The following JHY variants were observed in gnomAD, a reference collection of about 807,000 sequenced individuals.
JHY encodes jhy protein homolog.
Under a neutral mutation model 78.0 loss-of-function variants are expected in JHY, and 69 were observed. The observed-to-expected ratio is 0.88, with a 90% confidence interval of 0.73 to 1.08. The LOEUF is 1.08. Among genes scored for constraint, JHY ranks in the 50% least tolerant of loss-of-function variants. The pLI is 0.00. For missense variants in JHY, 944 were observed against 927.8 expected, an observed-to-expected ratio of 1.02 and a Z score of -0.23; for synonymous variants, 368 against 342.6, an observed-to-expected ratio of 1.07 and a Z score of -0.82.
chr11:122,957,123 CCT>C (rs1327656256), intron 7 of JHY, among the ~76,000 whole-genome samples: 1 of 152,084 alleles, frequency 6.6e-6, no homozygotes, highest in Non-Finnish European at 1.5e-5. Context: ...TGATTTAGCC[CCT>C]GTTAAGGGAA....
chr11:122,929,255 T>TA (rs991646045), intron 4 of JHY, among the ~76,000 whole-genome samples: 1 of 151,058 alleles, frequency 6.6e-6, no homozygotes. Flanking sequence ...TTTTTTTTTT[T>TA]AAAGCAGTAC....
At position 122,885,827 on chromosome 11, in the gene JHY, G is replaced by A; in HGVS notation, c.-23G>A. On this transcript the variant is annotated 5_prime_UTR_variant, in exon 2 of 9. Transcript: ENST00000227349. ...GCTCCTATCAACACGAGTATCCCCT[G>A]TTAATTTTTTGCATTTTTCAAGATG... The A allele has an allele frequency of 6.4e-7, 1 of 1,562,248 alleles. No individual in the cohort carries two copies. Among genetic ancestry groups the A allele is most frequent in the Non-Finnish European group, 8.8e-7 (1 of 1,140,746 alleles).
At chr11:122,900,165 T>C (rs188471033) in intron 2 of JHY, among the ~76,000 whole-genome samples, 39 of 152,348 alleles carry the variant, frequency 2.6e-4, no homozygotes, top group Admixed American at 2.2e-3. Flanking sequence ...GTGCGACTTA[T>C]TTCAAGAAGT....
chr11:122,931,477 A>G (rs2135350783), intron 4 of JHY, among the ~76,000 whole-genome samples: 1 of 152,334 alleles, frequency 6.6e-6, no homozygotes, highest in Non-Finnish European at 1.5e-5. Flanking sequence ...CTGAACACAG[A>G]GTTCTTCCTT....
At position 122,946,680 on chromosome 11, in the gene JHY, T is replaced by A. The variant is rs778178370; in HGVS notation, c.1817T>A (p.Leu606His). The change falls in exon 6 of 9, where the codon CTC becomes CAC. Residue 606 changes from leucine (L) to histidine (H), a missense_variant. By Grantham distance (99) the Leu-to-His change is moderately conservative (BLOSUM62 -3). Coordinates refer to ENST00000227349, the MANE Select transcript of JHY (RefSeq NM_024806.4). ...TCAAGGGTAGAAAGTGAATCCCAAC[T>A]CAGTTCAGAGAGAAGCCAAAGAAAC... ...ILSRVESESQLSSERSQRNQV... is the reference protein window; with the variant it reads ...ILSRVESESQHSSERSQRNQV... 7 of 1,614,000 alleles carry A rather than the reference T, an allele frequency of 4.3e-6. No individual in the cohort carries two copies. Among genetic ancestry groups the A allele is most frequent in the Non-Finnish European group, 5.9e-6 (7 of 1,179,998 alleles).
At chr11:122,911,021 A>G (rs1199744046) in intron 3 of JHY, among the ~76,000 whole-genome samples, 1 of 152,186 alleles carries the variant, frequency 6.6e-6, no homozygotes, top group African/African-American at 2.4e-5. Flanking sequence ...GCTGGTGAAT[A>G]ATCAGTTCTT....
At chr11:122,900,011 G>A (rs1449906422) in intron 2 of JHY, among the ~76,000 whole-genome samples, 1 of 152,222 alleles carries the variant, frequency 6.6e-6, no homozygotes, top group Non-Finnish European at 1.5e-5. Context: ...TGCATCACTT[G>A]GGAGAAACCT....
Position 122,960,481 on chromosome 11 carries a change from A to G in JHY, c.*1036A>G, listed in dbSNP as rs867897971. The G allele has an allele frequency of 1.7e-5, 4 of 233,114 alleles. No individual in the cohort carries two copies. The Middle Eastern group carries it at 3.9e-3, about 227-fold the overall frequency. The allele number at this position is 233,114 out of a possible 1,614,324, so 14.4% of individuals were successfully genotyped here. ...CTACCACCTCTTCCTTCCTTTTCCT[A>G]TAGAGGAAAAGTTCGTTTTGGGCTG... is the stretch of plus-strand genomic sequence containing the variant. On this transcript the variant is annotated 3_prime_UTR_variant, in exon 9 of 9. Transcript: ENST00000227349.
intron 8 of JHY, chr11:122,958,548 G>GT (rs895916875): frequency 4.5e-4 from 82 of 180,648 alleles, no homozygotes; most frequent in Non-Finnish European, 7.9e-4. Context: ...ATTTTAGAGG[G>GT]TTTTTTTTTC....
Position 122,904,245 on chromosome 11 carries a change from CG to C in JHY, c.666del (p.Ser223AlafsTer7). The C allele has an allele frequency of 6.2e-7, 1 of 1,614,098 alleles. No individual in the cohort carries two copies. The highest frequency in any genetic ancestry group is 8.5e-7 in the Non-Finnish European group (1 of 1,180,014). On this transcript the variant is annotated frameshift_variant, in exon 3 of 9. Coordinates refer to ENST00000227349, the MANE Select transcript of JHY (RefSeq NM_024806.4). LOFTEE classifies it high-confidence loss of function. ...AGCGACAGTGACCTGGAGGAGAAGT[CG>C]AGCAGCCTTTCTCCGTACGTGAAGA... ...ELSDSDLEEK[S>X]SSLSPYVKSS...
intron 2 of JHY, 60 bp from the exon 3 acceptor site, chr11:122,903,865 A>G: frequency 6.6e-7 from 1 of 1,505,420 alleles, no homozygotes; most frequent in East Asian, 2.3e-5. Context: ...TGTTCAACTG[A>G]CTATAATGAG....
rs907893967 is a variant in JHY at position 122,886,143 on chromosome 11, G to T, written c.294G>T (p.Gln98His). The T allele has an allele frequency of 6.2e-7, 1 of 1,614,110 alleles. No individual in the cohort carries two copies. The highest frequency in any genetic ancestry group is 8.5e-7 in the Non-Finnish European group (1 of 1,179,978). ...AGGAAGCAAGTGGAAAAGCAGCTCA[G>T]ATGGCTCGCGAGCAAAACCACCATA... Reference protein sequence around the residue: ...MEEEASGKAAQMAREQNHHTW... With the variant: ...MEEEASGKAAHMAREQNHHTW... Residue 98 changes from glutamine (Q) to histidine (H), a missense_variant, in exon 2 of 9, where the codon CAG becomes CAT. Gln to His is a conservative substitution (Grantham distance 24, BLOSUM62 0). Coordinates refer to ENST00000227349, the MANE Select transcript of JHY (RefSeq NM_024806.4).
chr11:122,943,242 A>C (rs918263063), intron 5 of JHY, among the ~76,000 whole-genome samples: 1 of 152,236 alleles, frequency 6.6e-6, no homozygotes, highest in Non-Finnish European at 1.5e-5. Flanking sequence ...AAGTATGTTT[A>C]TAAATTTCAA....
chr11:122,904,160 GA>G lies in JHY; in HGVS notation c.582del (p.Glu194AspfsTer3). On this transcript the variant is annotated frameshift_variant, in exon 3 of 9. Coordinates refer to ENST00000227349, the MANE Select transcript of JHY (RefSeq NM_024806.4). LOFTEE classifies it high-confidence loss of function. ...GAGTGCAGCTTCTTTACTTGGTAGTGAATTTTTAAGCCCAAACTATGAGCAT... is the reference window on the plus strand; with the variant it reads ...GAGTGCAGCTTCTTTACTTGGTAGTGATTTTTAAGCCCAAACTATGAGCAT... Reference protein sequence around the residue: ...PQSAASLLGSEFLSPNYEHGA... With the variant: ...PQSAASLLGSXFLSPNYEHGA... The G allele has an allele frequency of 1.2e-6, 2 of 1,614,148 alleles. No homozygotes were observed. Among genetic ancestry groups the G allele is most frequent in the Non-Finnish European group, 1.7e-6 (2 of 1,180,036 alleles).
intron 4 of JHY, among the ~76,000 whole-genome samples, chr11:122,931,322 G>A (rs1041826126): frequency 6.6e-6 from 1 of 152,150 alleles, no homozygotes; most frequent in Non-Finnish European, 1.5e-5. Context: ...CAAAGAAAAG[G>A]TAATGATAGT....
intron 2 of JHY, among the ~76,000 whole-genome samples, chr11:122,889,894 C>A (rs773077854): frequency 6.6e-6 from 1 of 151,966 alleles, no homozygotes; most frequent in Non-Finnish European, 1.5e-5. Context: ...GAGTAGCGTG[C>A]GCCACAATGC....
chr11:122,939,328 G>T (rs996736897), intron 5 of JHY, among the ~76,000 whole-genome samples: 5 of 152,008 alleles, frequency 3.3e-5, no homozygotes, highest in Non-Finnish European at 5.9e-5. Context: ...TCTTTTTTAA[G>T]TAACTCTCAC....
chr11:122,948,001 G>A (rs560277485), intron 6 of JHY, among the ~76,000 whole-genome samples: 1 of 152,248 alleles, frequency 6.6e-6, no homozygotes, highest in East Asian at 1.9e-4. Flanking sequence ...CTGAGGCAGT[G>A]TTTAGGGAGG....
intron 6 of JHY, among the ~76,000 whole-genome samples, chr11:122,948,477 A>G (rs932168082): frequency 7.3e-6 from 1 of 136,754 alleles, no homozygotes; most frequent in South Asian, 2.3e-4. Context: ...TAATAATAAT[A>G]ATGATTTCTA....
Sources: allele counts gnomAD v4.1 joint callset (sites outside exome capture counted in the v4.1 genomes callset), GRCh38; gene constraint gnomAD v4.1.1; transcripts MANE v1.5; gene names NCBI Gene and HGNC (gene_info 2026-07-23, HGNC 2026-07-21).